The following ZNF837 variants were observed in gnomAD, a reference collection of about 807,000 sequenced individuals.
The protein encoded by ZNF837 is zinc finger protein 837.
For missense variants in ZNF837, 955 were observed against 801.7 expected, an observed-to-expected ratio of 1.19 and a Z score of -2.31; for synonymous variants, 475 against 365.2, an observed-to-expected ratio of 1.30 and a Z score of -3.43.
chr19:58,377,091 C>T (rs770386853), intron 1 of ZNF837, among the ~76,000 whole-genome samples: 4 of 151,252 alleles, frequency 2.6e-5, no homozygotes, highest in Non-Finnish European at 5.9e-5. Flanking sequence ...GTGGCGCGCA[C>T]CTGTAATCCC....
intron 1 of ZNF837, among the ~76,000 whole-genome samples, chr19:58,376,379 C>T (rs1436368394): frequency 6.6e-6 from 1 of 150,940 alleles, no homozygotes; most frequent in South Asian, 2.1e-4. Flanking sequence ...GGTGAAACCC[C>T]ATCTCTACTA....
In ZNF837 at chr19:58,379,403, G is replaced by C. The variant is rs972248160; in HGVS notation, c.-140+1538C>G. The stretch of plus-strand genomic sequence containing the variant: ...CTGTGGACCATGGCCGAGTCTCTTC[G>C]TCTCCTTGATCTGCTCCCAGGATGC... On this transcript the variant is annotated intron_variant, in intron 1 of 2. Transcript: ENST00000597582. Among the ~76,000 whole-genome samples the C allele has an allele frequency of 3.9e-5, 6 of 152,294 alleles. No individual in the cohort carries two copies. The East Asian group carries it at 1.2e-3, about 29-fold the overall frequency.
rs1200151364 is a variant in ZNF837 at position 58,369,105 on chromosome 19, C to T, written c.228G>A (p.Pro76=). Residue 76 remains proline, a synonymous_variant, in exon 3 of 3, where the codon CCG becomes CCA. Coordinates refer to ENST00000597582, the MANE Select transcript of ZNF837 (RefSeq NM_138466.2). ...TGGTCCCGGCGCTGTGCCGGGTCCC[C>T]GGGCCGGGGCTCACCCCGAGGCTGC... is the stretch of plus-strand genomic sequence containing the variant. ...RGCSLGVSPG[P]GTRHSAGTRP... is the part of the protein sequence containing the mutation. 6.0e-6 allele frequency: 9 copies of T among 1,500,938 alleles called. No homozygotes were observed. Among genetic ancestry groups the T allele is most frequent in the African/African-American group, 1.4e-5 (1 of 70,264 alleles). 93.0% of individuals were successfully genotyped at this position (1,500,938 alleles called of 1,614,324 possible). A position where few individuals can be genotyped will look rare whatever the true frequency, so the allele number is the denominator to read the frequency against.
At chr19:58,370,301 C>T (rs1256323110) in intron 1 of ZNF837, among the ~76,000 whole-genome samples, 2 of 152,164 alleles carry the variant, frequency 1.3e-5, no homozygotes, top group East Asian at 3.8e-4. Context: ...GTTCATCTCT[C>T]TCTTTCTGGG....
At position 58,369,078 on chromosome 19, in the gene ZNF837, T is replaced by C; in HGVS notation, c.255A>G (p.Arg85=). The C allele has an allele frequency of 6.6e-7, 1 of 1,519,682 alleles. No homozygotes were observed. Among genetic ancestry groups the C allele is most frequent in the Non-Finnish European group, 8.8e-7 (1 of 1,133,074 alleles). 94.1% of individuals were successfully genotyped at this position (1,519,682 alleles called of 1,614,324 possible). A position where few individuals can be genotyped will look rare whatever the true frequency, so the allele number is the denominator to read the frequency against. ...GGCCGCACGGCTCCCGCACGAGGGG[T>C]CTGGTCCCGGCGCTGTGCCGGGTCC... ...GPGTRHSAGT[R]PLVREPCGPT... is the part of the protein sequence containing the mutation. The change falls in exon 3 of 3, where the codon AGA becomes AGG. Residue 85 remains arginine, a synonymous_variant. Coordinates refer to ENST00000597582, the MANE Select transcript of ZNF837 (RefSeq NM_138466.2).
intron 1 of ZNF837, among the ~76,000 whole-genome samples, chr19:58,380,504 G>C (rs1392148512): frequency 6.6e-6 from 1 of 152,238 alleles, no homozygotes; most frequent in Non-Finnish European, 1.5e-5. Flanking sequence ...CGGATTCTTC[G>C]GGCCTCTGTG....
intron 2 of ZNF837, 37 bp downstream of exon 2, chr19:58,369,782 T>C (rs551601234): frequency 6.5e-6 from 1 of 154,188 alleles, no homozygotes; most frequent in South Asian, 2.1e-4. Context: ...TCACTGCCAT[T>C]GTCCATGTCT....
At chr19:58,378,969 G>A (rs1486870520) in intron 1 of ZNF837, among the ~76,000 whole-genome samples, 1 of 152,198 alleles carries the variant, frequency 6.6e-6, no homozygotes, top group Non-Finnish European at 1.5e-5. Context: ...CTGACACCTT[G>A]ATTTCAGACT....
At chr19:58,370,303 C>A (rs1317534711) in intron 1 of ZNF837, among the ~76,000 whole-genome samples, 1 of 152,190 alleles carries the variant, frequency 6.6e-6, no homozygotes, top group Non-Finnish European at 1.5e-5. Flanking sequence ...TCATCTCTCT[C>A]TTTCTGGGTT....
Position 58,368,307 on chromosome 19 carries a change from C to T in ZNF837, c.1026G>A (p.Pro342=), listed in dbSNP as rs893947364. 4.7e-6 allele frequency: 7 copies of T among 1,485,794 alleles called. No individual in the cohort carries two copies. In the East Asian group the frequency reaches 7.6e-5, roughly 16 times the overall value. The allele number at this position is 1,485,794 out of a possible 1,614,324, so 92.0% of individuals were successfully genotyped here. ...LARRAFRLGC[P]PCGDYSERSP... ...TCCGCTCGCTGTAGTCCCCGCAGGG[C>T]GGGCACCCCAGCCGGAAGGCGCGCC... Residue 342 remains proline, a synonymous_variant, in exon 3 of 3, where the codon CCG becomes CCA. Transcript: ENST00000597582.
chr19:58,376,806 G>T (rs1483748649), intron 1 of ZNF837, among the ~76,000 whole-genome samples: 2 of 151,988 alleles, frequency 1.3e-5, no homozygotes, highest in Admixed American at 1.3e-4. Flanking sequence ...TTGGCTGGGT[G>T]TAGTGGCTTA....
intron 1 of ZNF837, among the ~76,000 whole-genome samples, chr19:58,380,274 C>T (rs1459577606): frequency 6.6e-6 from 1 of 152,236 alleles, no homozygotes; most frequent in Non-Finnish European, 1.5e-5. Context: ...CCTTCTGTGT[C>T]TGTCCTCCCG....
rs759378804 is a variant in ZNF837, at chr19:58,368,356, T to G, written c.977A>C (p.His326Pro). 15 of 1,526,368 alleles carry G rather than the reference T, an allele frequency of 9.8e-6. No homozygotes were observed. Among genetic ancestry groups the G allele is most frequent in the Non-Finnish European group, 1.3e-5 (15 of 1,142,174 alleles). 94.6% of individuals were successfully genotyped at this position (1,526,368 alleles called of 1,614,324 possible). A position where few individuals can be genotyped will look rare whatever the true frequency, so the allele number is the denominator to read the frequency against. The stretch of plus-strand genomic sequence containing the variant: ...CCGCGCCAGGACGGGGCCACGCCGG[T>G]GGCGCTCGGCCGAGTGCGTCTTCTG... ...RHQKTHSAER[H>P]RRGPVLARRA... Residue 326 changes from histidine (H) to proline (P), a missense_variant, in exon 3 of 3, where the codon CAC becomes CCC. By Grantham distance (77) the His-to-Pro change is moderately conservative. Coordinates refer to ENST00000597582, the MANE Select transcript of ZNF837 (RefSeq NM_138466.2).
chr19:58,371,650 A>G (rs1160993604), intron 1 of ZNF837, among the ~76,000 whole-genome samples: 1 of 152,154 alleles, frequency 6.6e-6, no homozygotes, highest in Non-Finnish European at 1.5e-5. Flanking sequence ...TCGGCACAGG[A>G]GCTCAGATTC....
chr19:58,370,617 C>T (rs758813355), intron 1 of ZNF837, among the ~76,000 whole-genome samples: 5 of 152,118 alleles, frequency 3.3e-5, no homozygotes, highest in Non-Finnish European at 7.3e-5. Flanking sequence ...AAAGGACGGC[C>T]GGGCACGGTA....
intron 1 of ZNF837, among the ~76,000 whole-genome samples, chr19:58,375,313 AAAT>A (rs2052235785): frequency 2.0e-4 from 7 of 34,572 alleles, no homozygotes; most frequent in Admixed American, 7.9e-4. Flanking sequence ...TATATATATA[AAAT>A]TACATATATA....
chr19:58,380,133 CCA>C (rs1250452879), intron 1 of ZNF837, among the ~76,000 whole-genome samples: 2 of 152,196 alleles, frequency 1.3e-5, no homozygotes, highest in Non-Finnish European at 2.9e-5. Flanking sequence ...CCAACCTCAC[CCA>C]CACTGACAGT....
At chr19:58,372,758 G>A (rs2052212983) in intron 1 of ZNF837, among the ~76,000 whole-genome samples, 2 of 152,202 alleles carry the variant, frequency 1.3e-5, no homozygotes, top group South Asian at 4.1e-4. Context: ...TGCATTGATG[G>A]CCAGCACTCT....
intron 2 of ZNF837, 25 bp from the exon 3 acceptor site, chr19:58,369,386 G>A (rs1318177381): frequency 6.8e-6 from 9 of 1,320,196 alleles, no homozygotes; most frequent in Non-Finnish European, 8.7e-6. Flanking sequence ...AAGAAATGGA[G>A]GTTGGCGGTT....
Sources: gnomAD v4.1 joint callset for allele counts (sites outside exome capture counted in the v4.1 genomes callset) on GRCh38, gnomAD v4.1.1 for gene constraint, MANE v1.5 for transcripts, NCBI Gene and HGNC (gene_info 2026-07-23, HGNC 2026-07-21) for gene names.